Variants in FAM184A observed in about 807,000 individuals in gnomAD.
FAM184A encodes protein FAM184A.
FAM184A carries 99 observed loss-of-function variants against 143.8 expected under a neutral mutation model. The observed-to-expected ratio is 0.69, with a 90% CI of 0.58 to 0.81. The LOEUF (loss-of-function observed/expected upper bound fraction) is 0.81. FAM184A is among the 40% of genes least tolerant of loss of function. The pLI is 0.00. For missense variants in FAM184A, 1,217 were observed against 1,310.5 expected, an observed-to-expected ratio of 0.93 and a Z score of 1.10; for synonymous variants, 427 against 446.4, an observed-to-expected ratio of 0.96 and a Z score of 0.55.
At chr6:118,964,075 A>T (rs559149578) in intron 16 of FAM184A, among the ~76,000 whole-genome samples, 58 of 152,270 alleles carry the variant, frequency 3.8e-4, no homozygotes, top group Admixed American at 1.4e-3. Flanking sequence ...CTGCAATCCC[A>T]TCCACTCGGG....
Position 119,019,998 on chromosome 6 carries a change from G to A in FAM184A, c.1312C>T (p.Gln438Ter), listed in dbSNP as rs1471067500. 3 of 1,589,624 alleles carry A rather than the reference G, an allele frequency of 1.9e-6. No homozygotes were observed. Among genetic ancestry groups the A allele is most frequent in the Non-Finnish European group, 2.6e-6 (3 of 1,171,908 alleles). Reference protein sequence around the residue: ...TQSLDEEQKQQILELEKKVNE... With the variant: ...TQSLDEEQKQ Reference sequence around the variant, plus strand: ...TTTACCTTCTCCAGTTCTAGAATCTGTTGCTTCTGCTCTTCATCCAGACTT... The same window carrying A: ...TTTACCTTCTCCAGTTCTAGAATCTATTGCTTCTGCTCTTCATCCAGACTT... The change falls in exon 4 of 18, where the codon CAG becomes TAG. Residue 438 changes from glutamine (Q) to a stop codon, truncating the protein, a stop_gained. Coordinates refer to ENST00000338891, the MANE Select transcript of FAM184A (RefSeq NM_024581.6). LOFTEE classifies it high-confidence loss of function.
At chr6:119,104,741 G>A (rs187251026) in intron 1 of FAM184A, among the ~76,000 whole-genome samples, 10 of 152,232 alleles carry the variant, frequency 6.6e-5, no homozygotes, top group Middle Eastern at 3.4e-3. Flanking sequence ...ACTGCAAATA[G>A]AGACTTCTTT....
intron 1 of FAM184A, among the ~76,000 whole-genome samples, chr6:119,037,728 CT>C (rs1243242271): frequency 2.0e-5 from 3 of 152,154 alleles, no homozygotes; most frequent in Non-Finnish European, 4.4e-5. Flanking sequence ...AAAGCCATTT[CT>C]TTTTGCGTTT....
intron 1 of FAM184A, among the ~76,000 whole-genome samples, chr6:119,047,179 A>G (rs1432400523): frequency 3.3e-5 from 5 of 152,228 alleles, no homozygotes; most frequent in Non-Finnish European, 7.3e-5. Flanking sequence ...CTACAATGAG[A>G]TATCATCTCA....
chr6:119,112,716 G>A (rs1788964584), intron 1 of FAM184A, among the ~76,000 whole-genome samples: 1 of 152,148 alleles, frequency 6.6e-6, no homozygotes, highest in Non-Finnish European at 1.5e-5. Context: ...TTGGAAAATG[G>A]ACTGCAATCC....
intron 12 of FAM184A, 48 bp downstream of exon 12, chr6:118,975,869 T>C: frequency 1.9e-6 from 3 of 1,553,500 alleles, no homozygotes; most frequent in Non-Finnish European, 2.6e-6. Flanking sequence ...GAACATTCAA[T>C]CTATTCAAAT....
rs369692258 is a variant in FAM184A at position 119,050,572 on chromosome 6, T to C, written c.160-25759A>G. Among the ~76,000 whole-genome samples, 831 of 151,488 alleles carry C rather than the reference T, an allele frequency of 5.5e-3. 10 individuals carry two copies. Among genetic ancestry groups the C allele is most frequent in the African/African-American group, 0.019 (778 of 41,292 alleles). ...CTGTAATCCCAGCACTTTGGGAGGC[T>C]GAGGCGGGTGGATCATGAGGTCAGG... On this transcript the variant is annotated intron_variant, in intron 1 of 17. Transcript: ENST00000338891.
chr6:119,090,450 G>A (rs967441031), intron 1 of FAM184A, among the ~76,000 whole-genome samples: 1 of 152,188 alleles, frequency 6.6e-6, no homozygotes, highest in Admixed American at 6.5e-5. Context: ...GCAGGTGCTT[G>A]AGGGAAAACT....
chr6:119,078,723 G>A (rs1787974166), upstream of FAM184A: 1 of 154,338 alleles, frequency 6.5e-6, no homozygotes, highest in South Asian at 1.8e-4. This position sits in a 1 kb window ranked among gnomAD's most constrained non-coding sequence, Gnocchi z 5.5. Flanking sequence ...CATGGAGGAG[G>A]ACGCGGGAGC....
chr6:119,085,596 G>A (rs985332173), intron 1 of FAM184A, among the ~76,000 whole-genome samples: 33 of 152,250 alleles, frequency 2.2e-4, no homozygotes, highest in Admixed American at 1.8e-3. Context: ...ATCTCTGACA[G>A]TTACCTAGTT....
intron 1 of FAM184A, among the ~76,000 whole-genome samples, chr6:119,070,216 C>G (rs980160869): frequency 6.6e-6 from 1 of 152,086 alleles, no homozygotes; most frequent in African/African-American, 2.4e-5. Flanking sequence ...AACTTCACTA[C>G]TTTTTATACA....
intron 9 of FAM184A, among the ~76,000 whole-genome samples, chr6:118,982,571 T>C (rs546784004): frequency 6.6e-6 from 1 of 152,220 alleles, no homozygotes; most frequent in Non-Finnish European, 1.5e-5. Flanking sequence ...AATGGACATG[T>C]TTTTCTGCTT....
chr6:119,142,899 C>A (rs904076874), intron 1 of FAM184A, among the ~76,000 whole-genome samples: 1 of 152,172 alleles, frequency 6.6e-6, no homozygotes, highest in Non-Finnish European at 1.5e-5. Context: ...AATTTAGACA[C>A]ACACAGAAAA....
intron 1 of FAM184A, among the ~76,000 whole-genome samples, chr6:119,125,884 T>C (rs901195052): frequency 2.0e-5 from 3 of 152,204 alleles, no homozygotes; most frequent in Non-Finnish European, 4.4e-5. Context: ...TCCCTGAATA[T>C]GATCTGTTGT....
At chr6:119,116,655 C>A (rs1789070750) in intron 1 of FAM184A, among the ~76,000 whole-genome samples, 1 of 152,174 alleles carries the variant, frequency 6.6e-6, no homozygotes, top group Non-Finnish European at 1.5e-5. Context: ...CAGTGCTGTG[C>A]AAGTCCAGAG....
chr6:119,039,964 C>G (rs79861898), intron 1 of FAM184A, among the ~76,000 whole-genome samples: 5,453 of 152,280 alleles, frequency 0.036, 171 homozygotes, highest in Non-Finnish European at 0.048. Flanking sequence ...AAACACACTA[C>G]GCGTGCTCTG....
chr6:119,115,742 C>T (rs1789039367), intron 1 of FAM184A, among the ~76,000 whole-genome samples: 1 of 151,332 alleles, frequency 6.6e-6, no homozygotes, highest in South Asian at 2.1e-4. Flanking sequence ...GCAGGTGGAT[C>T]ACCTGAGGTC....
chr6:118,995,525 A>T (rs961167331), intron 9 of FAM184A, among the ~76,000 whole-genome samples: 1 of 152,248 alleles, frequency 6.6e-6, no homozygotes, highest in Non-Finnish European at 1.5e-5. Context: ...AAGTATACTA[A>T]TATCTAGAGG....
At chr6:119,049,963 A>G (rs2114743980) in intron 1 of FAM184A, among the ~76,000 whole-genome samples, 1 of 152,350 alleles carries the variant, frequency 6.6e-6, no homozygotes, top group South Asian at 2.1e-4. Context: ...TCCAGCATCT[A>G]TAAGGAACTT....
Sources: gnomAD v4.1 joint callset for allele counts (sites outside exome capture counted in the v4.1 genomes callset) on GRCh38, gnomAD v4.1.1 for gene constraint, Gnocchi (gnomAD v3.1) non-coding constraint, MANE v1.5 for transcripts, NCBI Gene and HGNC (gene_info 2026-07-23, HGNC 2026-07-21) for gene names.